Variants in GPC5 observed in about 807,000 individuals in gnomAD.
GPC5 encodes the protein glypican-5.
Under a neutral mutation model 53.9 loss-of-function variants are expected in GPC5, and 47 were observed. The ratio of observed to expected loss-of-function variants is 0.87; its 90% CI spans 0.69 to 1.11. GPC5 has a LOEUF of 1.11. GPC5 is among the 50% of genes most tolerant of loss of function. The pLI is 0.00. For synonymous variants in GPC5, 286 were observed against 263.3 expected (o/e 1.09, Z -0.84); for missense variants, 748 against 713.1 (o/e 1.05, Z -0.56).
At chr13:91,480,013 A>G (rs984515936) in intron 2 of GPC5, among the ~76,000 whole-genome samples, 1 of 152,228 alleles carries the variant, frequency 6.6e-6, no homozygotes, top group African/African-American at 2.4e-5. Flanking sequence ...TTACTGTTTA[A>G]ATGGACACTG....
At position 92,152,391 on chromosome 13, in the gene GPC5, A is replaced by G. The variant is rs530947308; in HGVS notation, c.1561+7402A>G. Among the ~76,000 whole-genome samples the G allele has an allele frequency of 7.2e-5, 11 of 152,350 alleles. No homozygotes were observed. In the East Asian group the frequency reaches 1.3e-3, roughly 19 times the overall value. On this transcript the variant is annotated intron_variant, in intron 7 of 7. Coordinates refer to ENST00000377067, the MANE Select transcript of GPC5 (RefSeq NM_004466.6). ...GACTCTTCAAGTGATTTTTTTGTGAAGATTAAGTGGTTTAATCCATAGTCA... is the reference window on the plus strand; with the variant it reads ...GACTCTTCAAGTGATTTTTTTGTGAGGATTAAGTGGTTTAATCCATAGTCA...
intron 7 of GPC5, among the ~76,000 whole-genome samples, chr13:92,488,835 C>A (rs1184413567): frequency 6.6e-6 from 1 of 152,150 alleles, no homozygotes; most frequent in African/African-American, 2.4e-5. Flanking sequence ...CTCCGGAAAA[C>A]TGTTCATGTC....
intron 7 of GPC5, among the ~76,000 whole-genome samples, chr13:92,192,557 C>A (rs555921549): frequency 1.3e-5 from 2 of 151,870 alleles, no homozygotes; most frequent in Admixed American, 6.6e-5. Flanking sequence ...TTATAAAAAG[C>A]AATATGAGTT....
intron 7 of GPC5, among the ~76,000 whole-genome samples, chr13:92,356,007 A>G (rs1410639833): frequency 6.6e-6 from 1 of 150,978 alleles, no homozygotes. Context: ...CTTTCCCATC[A>G]TCATTTCTAT....
At chr13:91,702,090 G>A (rs1366353434) in intron 3 of GPC5, among the ~76,000 whole-genome samples, 1 of 152,076 alleles carries the variant, frequency 6.6e-6, no homozygotes, top group East Asian at 1.9e-4. Flanking sequence ...CCATTTGTAT[G>A]TTTTCCTTGG....
intron 6 of GPC5, among the ~76,000 whole-genome samples, chr13:92,055,849 G>A (rs1241109339): frequency 1.3e-5 from 2 of 152,096 alleles, no homozygotes; most frequent in African/African-American, 4.8e-5. Flanking sequence ...TCAAAGCATC[G>A]TTTGCATGAC....
intron 5 of GPC5, among the ~76,000 whole-genome samples, chr13:91,861,758 T>A (rs1038305520): frequency 1.1e-5 from 1 of 94,890 alleles, no homozygotes; most frequent in African/African-American, 3.1e-5. Flanking sequence ...GTTTCTTGTT[T>A]CTCTTCTCTT....
rs1427105242 is a variant in GPC5 at position 92,445,298 on chromosome 13, T to TG, written c.1561+300309_1561+300310insG. On this transcript the variant is annotated intron_variant, in intron 7 of 7. Coordinates refer to ENST00000377067, the MANE Select transcript of GPC5 (RefSeq NM_004466.6). Reference sequence around the variant, plus strand: ...AACAAAGATTCTCTTTTTGTGATTTTTTTTGTTTTATTTTATTTTATTTTA... The same window carrying TG: ...AACAAAGATTCTCTTTTTGTGATTTTGTTTTGTTTTATTTTATTTTATTTTA... 1.2e-4 allele frequency among the ~76,000 whole-genome samples: 15 copies of TG among 130,134 alleles called. No individual in the cohort carries two copies. In the East Asian group the frequency reaches 1.3e-3, roughly 11 times the overall value. 85.4% of individuals were successfully genotyped at this position (130,134 alleles called of 152,430 possible). A position where few individuals can be genotyped will look rare whatever the true frequency, so the allele number is the denominator to read the frequency against.
chr13:92,215,504 T>A (rs1472141792), intron 7 of GPC5, among the ~76,000 whole-genome samples: 1 of 152,196 alleles, frequency 6.6e-6, no homozygotes, highest in East Asian at 1.9e-4. Flanking sequence ...GTTGCTTCTA[T>A]CTGAAATCAA....
At chr13:92,022,458 A>G (rs976200816) in intron 6 of GPC5, among the ~76,000 whole-genome samples, 1 of 152,174 alleles carries the variant, frequency 6.6e-6, no homozygotes, top group Non-Finnish European at 1.5e-5. Context: ...TTTGCTTGTA[A>G]GTACCTCAAA....
At chr13:91,553,661 C>A (rs1316422437) in intron 2 of GPC5, among the ~76,000 whole-genome samples, 3 of 152,160 alleles carry the variant, frequency 2.0e-5, no homozygotes, top group East Asian at 3.9e-4. Context: ...AATCACTTTA[C>A]AAGTTCCAAA....
intron 7 of GPC5, among the ~76,000 whole-genome samples, chr13:92,286,735 TG>T (rs1566520406): frequency 3.8e-5 from 1 of 26,526 alleles, no homozygotes; most frequent in African/African-American, 1.6e-4. Flanking sequence ...GGGCCTGTTG[TG>T]GGGTTGGGGG....
At chr13:91,668,657 A>G (rs1410482216) in intron 2 of GPC5, among the ~76,000 whole-genome samples, 1 of 152,218 alleles carries the variant, frequency 6.6e-6, no homozygotes, top group Non-Finnish European at 1.5e-5. Flanking sequence ...AGATACTAGA[A>G]TGTCAGGAGA....
At chr13:92,524,425 C>T (rs1881197668) in intron 7 of GPC5, among the ~76,000 whole-genome samples, 1 of 152,042 alleles carries the variant, frequency 6.6e-6, no homozygotes. Flanking sequence ...AAAAGTCTAT[C>T]TATGTTCAGT....
chr13:92,809,046 T>C (rs1480825861), intron 7 of GPC5, among the ~76,000 whole-genome samples: 1 of 152,088 alleles, frequency 6.6e-6, no homozygotes, highest in East Asian at 1.9e-4. Flanking sequence ...CCACATGAGT[T>C]TGGGGACTAG....
At chr13:92,606,812 G>A (rs1884275084) in intron 7 of GPC5, among the ~76,000 whole-genome samples, 1 of 151,968 alleles carries the variant, frequency 6.6e-6, no homozygotes, top group Admixed American at 6.6e-5. Flanking sequence ...CTCAAGAATG[G>A]TATGACTGCC....
chr13:92,154,669 C>T (rs940659700), intron 7 of GPC5, among the ~76,000 whole-genome samples: 3 of 152,070 alleles, frequency 2.0e-5, no homozygotes, highest in Non-Finnish European at 4.4e-5. Flanking sequence ...TTTGAGATGA[C>T]CCTTAAAATA....
chr13:91,427,517 G>A (rs1005267700), intron 1 of GPC5, among the ~76,000 whole-genome samples: 1 of 152,216 alleles, frequency 6.6e-6, no homozygotes, highest in Non-Finnish European at 1.5e-5. Context: ...CATTTGGAAT[G>A]AGAACATTTA....
At chr13:92,685,619 A>T (rs1181778341) in intron 7 of GPC5, among the ~76,000 whole-genome samples, 2 of 118,260 alleles carry the variant, frequency 1.7e-5, no homozygotes, top group African/African-American at 6.9e-5. Flanking sequence ...TGTGCAGGTT[A>T]GTTACATATG....
Sources: gnomAD v4.1 joint callset for allele counts (sites outside exome capture counted in the v4.1 genomes callset) on GRCh38, gnomAD v4.1.1 for gene constraint, MANE v1.5 for transcripts, NCBI Gene and HGNC (gene_info 2026-07-23, HGNC 2026-07-21) for gene names.